Variants in CCBE1 observed in about 807,000 individuals in gnomAD.
The protein encoded by CCBE1 is collagen and calcium-binding EGF domain-containing protein 1.
A neutral mutation model predicts 50.0 loss-of-function variants in CCBE1; 37 were observed. That is an observed-to-expected ratio of 0.74 (90% CI 0.57 to 0.97). The LOEUF (loss-of-function observed/expected upper bound fraction) is 0.97, where lower values mean the gene tolerates loss of function less well. Ranked by LOEUF, CCBE1 falls within the 50% of genes least tolerant of loss-of-function variation. The probability of loss-of-function intolerance (pLI) is 0.00; values close to 1 mark genes in which losing one functional copy is unlikely to be tolerated. For synonymous variants in CCBE1, 234 were observed against 203.7 expected, an observed-to-expected ratio of 1.15 and a Z score of -1.27; for missense variants, 538 against 523.8, an observed-to-expected ratio of 1.03 and a Z score of -0.26.
chr18:59,554,413 T>C (rs542225343), intron 2 of CCBE1, among the ~76,000 whole-genome samples: 6 of 152,366 alleles, frequency 3.9e-5, no homozygotes, highest in Admixed American at 3.9e-4. Flanking sequence ...GCATCCCATG[T>C]TACACACAGT....
chr18:59,640,133 G>A lies in CCBE1; in HGVS notation c.212+56496C>T, dbSNP rs150203961. Among the ~76,000 whole-genome samples the A allele has an allele frequency of 7.7e-3, 1,179 of 152,176 alleles. 15 individuals carry two copies. Among genetic ancestry groups the A allele is most frequent in the African/African-American group, 0.027 (1,108 of 41,524 alleles). On this transcript the variant is annotated intron_variant, in intron 2 of 10. Coordinates refer to ENST00000439986, the MANE Select transcript of CCBE1 (RefSeq NM_133459.4). ...CACTCTTCACGGAACTAGAAAAAAC[G>A]ATTTTAAAATTCATTATGGAGCCAA...
chr18:59,669,093 C>T (rs1347784816), intron 2 of CCBE1, among the ~76,000 whole-genome samples: 1 of 152,066 alleles, frequency 6.6e-6, no homozygotes, highest in Non-Finnish European at 1.5e-5. Flanking sequence ...ACCTCGGCCT[C>T]CCAAAGTGCT....
chr18:59,554,473 G>T (rs1289293860), intron 2 of CCBE1, among the ~76,000 whole-genome samples: 1 of 152,166 alleles, frequency 6.6e-6, no homozygotes, highest in Non-Finnish European at 1.5e-5. Flanking sequence ...GCACAGACAA[G>T]GTGTTTCTTG....
intron 2 of CCBE1, among the ~76,000 whole-genome samples, chr18:59,624,025 A>C (rs2053745935): frequency 1.3e-5 from 2 of 152,188 alleles, no homozygotes; most frequent in Admixed American, 1.3e-4. Context: ...GAGTGACTGA[A>C]CTTAGTAGCG....
At chr18:59,624,376 C>T (rs975740719) in intron 2 of CCBE1, among the ~76,000 whole-genome samples, 11 of 152,056 alleles carry the variant, frequency 7.2e-5, no homozygotes, top group Admixed American at 1.3e-4. Context: ...AGCTGGGGGG[C>T]AGGGAAGAGA....
intron 2 of CCBE1, among the ~76,000 whole-genome samples, chr18:59,652,434 G>C (rs562710563): frequency 6.6e-6 from 1 of 151,912 alleles, no homozygotes; most frequent in Admixed American, 6.6e-5. Flanking sequence ...CAGTTCCTTC[G>C]GCATGGTTTG....
At chr18:59,566,018 G>A (rs1379220272) in intron 2 of CCBE1, among the ~76,000 whole-genome samples, 2 of 152,288 alleles carry the variant, frequency 1.3e-5, no homozygotes, top group South Asian at 4.1e-4. Flanking sequence ...AAAGCTCACT[G>A]CAGTAGGCTC....
intron 2 of CCBE1, among the ~76,000 whole-genome samples, chr18:59,611,075 G>A (rs7230920): frequency 2.0e-5 from 3 of 152,044 alleles, no homozygotes; most frequent in South Asian, 4.1e-4. Context: ...AACAGCATGC[G>A]TTGCTTTCAA....
chr18:59,614,488 C>T (rs975049983), intron 2 of CCBE1, among the ~76,000 whole-genome samples: 11 of 152,160 alleles, frequency 7.2e-5, no homozygotes, highest in African/African-American at 2.4e-5. Flanking sequence ...GTTGCCTTCC[C>T]GAGCTACTTT....
intron 2 of CCBE1, among the ~76,000 whole-genome samples, chr18:59,601,297 G>T (rs2053429429): frequency 6.6e-6 from 1 of 151,934 alleles, no homozygotes; most frequent in Non-Finnish European, 1.5e-5. Context: ...CACGTGTCAT[G>T]GGAGGGACCA....
At chr18:59,436,706 C>T (rs1035703710) in intron 10 of CCBE1, among the ~76,000 whole-genome samples, 4 of 152,162 alleles carry the variant, frequency 2.6e-5, no homozygotes, top group African/African-American at 4.8e-5. Context: ...TGGTGGCTCA[C>T]GCCTATAATC....
Position 59,432,695 on chromosome 18 carries a change from A to G in CCBE1, c.*3213T>C, listed in dbSNP as rs1194101856. The G allele has an allele frequency of 1.3e-5, 2 of 152,206 alleles. No individual in the cohort carries two copies. The highest frequency in any genetic ancestry group is 2.4e-5 in the African/African-American group (1 of 41,454). The allele number at this position is 152,206 out of a possible 1,614,324, so 9.4% of individuals were successfully genotyped here. ...AGATTGACATTATAAAATACAGGTT[A>G]CCATAAGTTTTGCTGGAGAATATTA... On this transcript the variant is annotated 3_prime_UTR_variant, in exon 11 of 11. Transcript: ENST00000439986.
chr18:59,597,188 A>T (rs1302737684), intron 2 of CCBE1, among the ~76,000 whole-genome samples: 1 of 152,196 alleles, frequency 6.6e-6, no homozygotes, highest in Non-Finnish European at 1.5e-5. Flanking sequence ...CAAGTTACAC[A>T]ATCCTTCAGT....
chr18:59,608,027 A>C (rs2053523306), intron 2 of CCBE1, among the ~76,000 whole-genome samples: 1 of 152,154 alleles, frequency 6.6e-6, no homozygotes, highest in African/African-American at 2.4e-5. Context: ...GTGAGCCGAT[A>C]TTGCGCCACT....
chr18:59,685,849 A>T (rs1417584100), intron 2 of CCBE1: 2 of 152,238 alleles, frequency 1.3e-5, no homozygotes, highest in African/African-American at 4.8e-5. Flanking sequence ...CTTGATGTGC[A>T]TAGGAAGCAC....
At chr18:59,687,004 T>G (rs564842830) in intron 2 of CCBE1, among the ~76,000 whole-genome samples, 1 of 152,296 alleles carries the variant, frequency 6.6e-6, no homozygotes, top group South Asian at 2.1e-4. Flanking sequence ...CAACCTGCAG[T>G]TGGTTCAACA....
chr18:59,564,537 G>A (rs1394959132), intron 2 of CCBE1, among the ~76,000 whole-genome samples: 2 of 152,168 alleles, frequency 1.3e-5, no homozygotes, highest in Non-Finnish European at 2.9e-5. Flanking sequence ...CTAAATATAT[G>A]ACAATGTCTT....
chr18:59,515,749 T>C (rs961789489), intron 2 of CCBE1, among the ~76,000 whole-genome samples: 1 of 152,076 alleles, frequency 6.6e-6, no homozygotes, highest in African/African-American at 2.4e-5. Context: ...CAGGCTGAGG[T>C]GTCAGGCTAC....
At chr18:59,632,781 A>T (rs1224482102) in intron 2 of CCBE1, among the ~76,000 whole-genome samples, 2 of 146,714 alleles carry the variant, frequency 1.4e-5, no homozygotes, top group Non-Finnish European at 3.0e-5. Context: ...GTTTTATTTT[A>T]TTTTTTTAAT....
Sources: gnomAD v4.1 joint callset for allele counts (sites outside exome capture counted in the v4.1 genomes callset) on GRCh38, gnomAD v4.1.1 for gene constraint, MANE v1.5 for transcripts, NCBI Gene and HGNC (gene_info 2026-07-23, HGNC 2026-07-21) for gene names.